Variants in MRPS27 observed in about 807,000 individuals in gnomAD.
The protein encoded by MRPS27 is small ribosomal subunit protein mS27.
Under a neutral mutation model 48.9 loss-of-function variants are expected in MRPS27, and 43 were observed. The observed-to-expected ratio is 0.88, with a 90% CI of 0.69 to 1.13. The LOEUF is 1.13. MRPS27 is among the 50% of genes most tolerant of loss of function. The pLI, the probability that MRPS27 is intolerant of heterozygous loss-of-function variation, is 0.00. For missense variants in MRPS27, 467 were observed against 476.3 expected (o/e 0.98, Z 0.18); for synonymous variants, 188 against 171.9 (o/e 1.09, Z -0.73).
At chr5:72,273,619 C>CTA (rs1749301321) in intron 4 of MRPS27, among the ~76,000 whole-genome samples, 2 of 152,128 alleles carry the variant, frequency 1.3e-5, no homozygotes, top group African/African-American at 2.4e-5. Context: ...GTATTTGTGT[C>CTA]TAAACGTATC....
chr5:72,248,544 A>G (rs1270019485), intron 4 of MRPS27, among the ~76,000 whole-genome samples: 1 of 152,098 alleles, frequency 6.6e-6, no homozygotes, highest in Non-Finnish European at 1.5e-5. Context: ...ACCTGCCTCA[A>G]TGTGACTCAG....
At position 72,244,208 on chromosome 5, in the gene MRPS27, T is replaced by G. The variant is rs16876730; in HGVS notation, c.282-6080A>C. On this transcript the variant is annotated intron_variant, in intron 4 of 10. Transcript: ENST00000261413. ...CTGCCTGCTAATCTAAAAAGGGTGATGAGTAAGTAGATTTTTGGTAGAGAA... is the reference window on the plus strand; with the variant it reads ...CTGCCTGCTAATCTAAAAAGGGTGAGGAGTAAGTAGATTTTTGGTAGAGAA... Among the ~76,000 whole-genome samples the G allele has an allele frequency of 7.2e-5, 11 of 152,222 alleles. No homozygotes were observed. In the East Asian group the frequency reaches 1.7e-3, roughly 24 times the overall value.
At chr5:72,287,199 C>T (rs557401136) in intron 4 of MRPS27, among the ~76,000 whole-genome samples, 12 of 152,080 alleles carry the variant, frequency 7.9e-5, no homozygotes, top group African/African-American at 2.7e-4. Context: ...ATCCCCAAAC[C>T]ATCCCCAACA....
chr5:72,317,372 C>G (rs1156755776), intron 1 of MRPS27, among the ~76,000 whole-genome samples: 4 of 152,142 alleles, frequency 2.6e-5, no homozygotes. Context: ...AAATTAATTT[C>G]CATTTATTTT....
At chr5:72,244,176 G>A (rs1408528604) in intron 4 of MRPS27, among the ~76,000 whole-genome samples, 2 of 151,834 alleles carry the variant, frequency 1.3e-5, no homozygotes, top group Non-Finnish European at 2.9e-5. Context: ...TAGACCTTCT[G>A]GAATCCCTGC....
intron 4 of MRPS27, among the ~76,000 whole-genome samples, chr5:72,244,239 G>A (rs914835315): frequency 4.6e-5 from 7 of 151,964 alleles, no homozygotes; most frequent in African/African-American, 1.7e-4. Context: ...GAGAATAACA[G>A]GGGCATAGAA....
intron 5 of MRPS27, 21 bp downstream of exon 5, chr5:72,237,993 C>T: frequency 4.5e-6 from 7 of 1,548,016 alleles, no homozygotes; most frequent in Non-Finnish European, 6.2e-6. Flanking sequence ...AAACAGGCTG[C>T]AGATCCACGG....
intron 4 of MRPS27, among the ~76,000 whole-genome samples, chr5:72,242,670 ACAC>A (rs1748389745): frequency 3.4e-5 from 1 of 29,570 alleles, no homozygotes; most frequent in Non-Finnish European, 1.7e-4. Context: ...CCGTCTACAC[ACAC>A]ACACACACAC....
In MRPS27 at chr5:72,241,003, T is replaced by C. The variant is rs188536296; in HGVS notation, c.282-2875A>G. Among the ~76,000 whole-genome samples, 26 of 152,332 alleles carry C rather than the reference T, an allele frequency of 1.7e-4. No individual in the cohort carries two copies. The East Asian group carries it at 4.8e-3, about 28-fold the overall frequency. ...CTCTGCTCTCTAAGCCCTAACAATC[T>C]TAGACCCAATTATGTCTAGGGCATT... is the stretch of plus-strand genomic sequence containing the variant. On this transcript the variant is annotated intron_variant, in intron 4 of 10. Transcript: ENST00000261413.
intron 4 of MRPS27, among the ~76,000 whole-genome samples, chr5:72,275,823 A>AT (rs978379991): frequency 2.1e-4 from 31 of 147,928 alleles, no homozygotes; most frequent in South Asian, 1.1e-3. Flanking sequence ...TAAACATTTG[A>AT]TTTTTTTTTT....
chr5:72,295,310 C>A, intron 4 of MRPS27: 1 of 447,578 alleles, frequency 2.2e-6, no homozygotes, highest in Non-Finnish European at 4.0e-6. Context: ...AAGAGAACAA[C>A]CTAGAGGTCC....
chr5:72,249,241 T>A (rs894845030), intron 4 of MRPS27, among the ~76,000 whole-genome samples: 1 of 152,244 alleles, frequency 6.6e-6, no homozygotes, highest in Non-Finnish European at 1.5e-5. Flanking sequence ...TACAACAGAA[T>A]GGAGCATTTG....
At chr5:72,268,476 G>GAA (rs1749154032) in intron 4 of MRPS27, among the ~76,000 whole-genome samples, 1 of 152,226 alleles carries the variant, frequency 6.6e-6, no homozygotes, top group Non-Finnish European at 1.5e-5. Flanking sequence ...TCAGGAGGAT[G>GAA]AAACATACCA....
chr5:72,266,589 G>A (rs1464304729), intron 4 of MRPS27, among the ~76,000 whole-genome samples: 1 of 152,230 alleles, frequency 6.6e-6, no homozygotes, highest in African/African-American at 2.4e-5. Flanking sequence ...GCTGGGCGTG[G>A]TGGCTCACGC....
intron 2 of MRPS27, among the ~76,000 whole-genome samples, chr5:72,306,664 A>G (rs1739489291): frequency 6.6e-6 from 1 of 152,266 alleles, no homozygotes; most frequent in Non-Finnish European, 1.5e-5. Context: ...AAAGAAATTT[A>G]TAAGACATTT....
At chr5:72,297,375 T>C (rs1203156044) in intron 3 of MRPS27, among the ~76,000 whole-genome samples, 3 of 152,184 alleles carry the variant, frequency 2.0e-5, no homozygotes, top group Non-Finnish European at 4.4e-5. Flanking sequence ...CAGAATGTCA[T>C]ATCCTGGAAA....
chr5:72,282,997 T>C (rs1372181287), intron 4 of MRPS27, among the ~76,000 whole-genome samples: 1 of 152,218 alleles, frequency 6.6e-6, no homozygotes, highest in East Asian at 1.9e-4. Context: ...AAGCCAGAGC[T>C]ACATGCTTTC....
Position 72,238,128 on chromosome 5 carries a change from C to T in MRPS27, c.282G>A (p.Lys94=). The change falls in exon 5 of 11, where the codon AAG becomes AAA. Residue 94 remains lysine (K), a splice_region_variant and synonymous_variant. Coordinates refer to ENST00000261413, the MANE Select transcript of MRPS27 (RefSeq NM_015084.3). ...EIDHAEYYLY[K]FRHSPNCWYL... ...ACCAGCAGTTGGGGCTGTGTCGAAA[C>T]CTAAATAAGCACAAGAAGAGAGAAA... 1.9e-6 allele frequency: 3 copies of T among 1,608,100 alleles called. No homozygotes were observed. Among genetic ancestry groups the T allele is most frequent in the East Asian group, 2.2e-5 (1 of 44,808 alleles).
intron 4 of MRPS27, among the ~76,000 whole-genome samples, chr5:72,254,809 G>A (rs1748753872): frequency 1.3e-5 from 2 of 152,114 alleles, no homozygotes; most frequent in South Asian, 2.1e-4. Context: ...AAAAAGTTGA[G>A]TTAAAAATTT....
Sources: allele counts gnomAD v4.1 joint callset (sites outside exome capture counted in the v4.1 genomes callset), GRCh38; gene constraint gnomAD v4.1.1; transcripts MANE v1.5; gene names NCBI Gene and HGNC (gene_info 2026-07-23, HGNC 2026-07-21).